The following ASNS variants were observed in gnomAD, a reference collection of about 807,000 sequenced individuals.
The protein encoded by ASNS is asparagine synthetase [glutamine-hydrolyzing].
A neutral mutation model predicts 62.6 loss-of-function variants in ASNS; 37 were observed. The ratio of observed to expected loss-of-function variants is 0.59; its 90% confidence interval spans 0.45 to 0.78. The LOEUF (loss-of-function observed/expected upper bound fraction) is 0.78, where lower values mean the gene tolerates loss of function less well. Ranked by LOEUF, ASNS falls within the 30% of genes least tolerant of loss-of-function variation. The pLI, the probability that ASNS is intolerant of heterozygous loss-of-function variation, is 0.00. For missense variants in ASNS, 520 were observed against 682.4 expected (o/e 0.76, Z 2.65); for synonymous variants, 207 against 237.9 (o/e 0.87, Z 1.19).
chr7:97,858,219 C>A (rs1791547409), intron 7 of ASNS, 59 bp downstream of exon 7: 1 of 1,582,192 alleles, frequency 6.3e-7, no homozygotes, highest in East Asian at 2.2e-5. Context: ...ACTCCATTTT[C>A]ATTCTAATAA....
the ASNS span, among the ~76,000 whole-genome samples, chr7:97,919,876 A>G: frequency 6.6e-6 from 1 of 152,186 alleles, no homozygotes; most frequent in Admixed American, 6.5e-5. Flanking sequence ...GCCCAGCCTC[A>G]CCTGGAGCAG....
chr7:97,875,202 G>A (rs886679533), upstream of ASNS, among the ~76,000 whole-genome samples: 18 of 152,266 alleles, frequency 1.2e-4, no homozygotes, highest in African/African-American at 4.3e-4. Context: ...CTAGAGTGCA[G>A]TGGTGCAATC....
At position 97,869,131 on chromosome 7, in the gene ASNS, C is replaced by T; in HGVS notation, c.26G>A (p.Gly9Asp). The T allele has an allele frequency of 6.2e-7, 1 of 1,614,152 alleles. No individual in the cohort carries two copies. The highest frequency in any genetic ancestry group is 8.5e-7 in the Non-Finnish European group (1 of 1,180,014). Residue 9 changes from glycine (G) to aspartate (D), a missense_variant, in exon 3 of 13, where the codon GGC becomes GAC. Transcript: ENST00000394308. MCGIWALF[G>D]SDDCLSVQCL... ...CTGAACAGAAAGGCAATCATCACTG[C>T]CAAACAGCGCCCAAATGCCACACAT... is the stretch of plus-strand genomic sequence containing the variant.
the ASNS span, among the ~76,000 whole-genome samples, chr7:97,917,974 A>C: frequency 6.6e-6 from 1 of 152,254 alleles, no homozygotes; most frequent in African/African-American, 2.4e-5. Flanking sequence ...AGGCCTGAAG[A>C]AGGCAAATGC....
At chr7:97,896,707 TATATACAC>T in the ASNS span, among the ~76,000 whole-genome samples, 27 of 27,688 alleles carry the variant, frequency 9.8e-4, 1 homozygote, top group South Asian at 1.7e-3. Context: ...TATGTGTATA[TATATACAC>T]ACACACACAC....
the ASNS span, among the ~76,000 whole-genome samples, chr7:97,918,923 A>G: frequency 6.6e-6 from 1 of 152,220 alleles, no homozygotes; most frequent in Non-Finnish European, 1.5e-5. Flanking sequence ...CTGCACATGT[A>G]TCTCAGAACG....
chr7:97,898,687 T>A, the ASNS span: 1 of 657,322 alleles, frequency 1.5e-6, no homozygotes, highest in East Asian at 2.7e-5. Context: ...GATTGTTGTG[T>A]TTTTTAGTAA....
chr7:97,895,754 G>A, the ASNS span, among the ~76,000 whole-genome samples: 4 of 152,152 alleles, frequency 2.6e-5, no homozygotes, highest in African/African-American at 2.4e-5. Flanking sequence ...TTGCACTACC[G>A]CACTCCAGCC....
the ASNS span, chr7:97,928,355 C>T: frequency 2.8e-6 from 3 of 1,053,114 alleles, no homozygotes; most frequent in Non-Finnish European, 4.1e-6. Flanking sequence ...CAAGCGGCCT[C>T]TCGGCGGAGC....
chr7:97,896,741 C>CACACACAGAT, the ASNS span, among the ~76,000 whole-genome samples: 3 of 19,768 alleles, frequency 1.5e-4, no homozygotes, highest in African/African-American at 3.3e-4. Context: ...CACACACACA[C>CACACACAGAT]ATATATATAT....
At chr7:97,865,984 A>G (rs920538178) in intron 3 of ASNS, among the ~76,000 whole-genome samples, 3 of 152,208 alleles carry the variant, frequency 2.0e-5, no homozygotes, top group African/African-American at 7.2e-5. Flanking sequence ...ATCAAAATGC[A>G]CATGTAATGT....
the ASNS span, among the ~76,000 whole-genome samples, chr7:97,882,591 A>G: frequency 6.7e-6 from 1 of 149,440 alleles, no homozygotes; most frequent in African/African-American, 2.5e-5. Context: ...ATGAACACCA[A>G]ACTAGAATCA....
intron 6 of ASNS, 122 bp from the exon 7 acceptor site, chr7:97,858,527 T>G: frequency 7.9e-7 from 1 of 1,267,310 alleles, no homozygotes. Flanking sequence ...TCCGCCAAGT[T>G]TTATAAACTG....
rs1327807769 is a variant in ASNS at position 97,852,250 on chromosome 7, A to G, written c.*9T>C. 3 of 1,613,888 alleles carry G rather than the reference A, an allele frequency of 1.9e-6. No homozygotes were observed. Among genetic ancestry groups the G allele is most frequent in the Non-Finnish European group, 2.5e-6 (3 of 1,179,994 alleles). ...AATATTTGCTTTCACATTACAGCAT[A>G]AAGACCACCTAAGCTTTGACAGCTG... On this transcript the variant is annotated 3_prime_UTR_variant, in exon 13 of 13. Transcript: ENST00000394308.
chr7:97,868,467 T>C (rs1160287236), intron 3 of ASNS, among the ~76,000 whole-genome samples: 1 of 152,120 alleles, frequency 6.6e-6, no homozygotes, highest in African/African-American at 2.4e-5. Context: ...TGCTTATATA[T>C]TTAGGAGTGT....
At chr7:97,898,247 A>G in the ASNS span, 78 of 342,514 alleles carry the variant, frequency 2.3e-4, no homozygotes, top group Admixed American at 3.3e-3. Flanking sequence ...GGCATGCACC[A>G]CCACACCAGG....
the ASNS span, among the ~76,000 whole-genome samples, chr7:97,879,511 T>C: frequency 1.3e-5 from 2 of 152,238 alleles, no homozygotes; most frequent in Non-Finnish European, 1.5e-5. Context: ...GCTATCTTGC[T>C]GGCTTTGAAG....
At chr7:97,860,669 CA>C (rs1320435124) in intron 4 of ASNS, among the ~76,000 whole-genome samples, 1 of 152,002 alleles carries the variant, frequency 6.6e-6, no homozygotes, top group African/African-American at 2.4e-5. Context: ...TAAAGAATGG[CA>C]AAAAGAGGCA....
the ASNS span, among the ~76,000 whole-genome samples, chr7:97,881,230 T>C: frequency 2.0e-5 from 3 of 152,192 alleles, no homozygotes; most frequent in Admixed American, 2.0e-4. Flanking sequence ...GCATGAGCCA[T>C]TGCTCCTAGC....
Sources: allele counts gnomAD v4.1 joint callset (sites outside exome capture counted in the v4.1 genomes callset), GRCh38; gene constraint gnomAD v4.1.1; transcripts MANE v1.5; gene names NCBI Gene and HGNC (gene_info 2026-07-23, HGNC 2026-07-21).